Variants in LDAH observed in about 807,000 individuals in gnomAD.
The protein encoded by LDAH is lipid droplet-associated hydrolase.
In LDAH, 26 loss-of-function variants were observed where a neutral mutation model predicts 29.6. That is an observed-to-expected ratio of 0.88 (90% CI 0.64 to 1.22). The LOEUF is 1.22. LDAH is among the 50% of genes most tolerant of loss of function. LDAH has a pLI of 0.00. For missense variants in LDAH, 344 were observed against 387.3 expected, an observed-to-expected ratio of 0.89 and a Z score of 0.94; for synonymous variants, 117 against 133.0, an observed-to-expected ratio of 0.88 and a Z score of 0.83.
chr2:20,695,501 G>A (rs1252043359), intron 6 of LDAH, among the ~76,000 whole-genome samples: 2 of 148,802 alleles, frequency 1.3e-5, no homozygotes, highest in Non-Finnish European at 3.0e-5. Flanking sequence ...TGCCCAGGCT[G>A]GAGTGCAGTA....
chr2:20,736,450 T>C (rs1274928206), intron 5 of LDAH, among the ~76,000 whole-genome samples: 1 of 151,588 alleles, frequency 6.6e-6, no homozygotes, highest in Non-Finnish European at 1.5e-5. Context: ...TCAAAAAATA[T>C]ATAATAATAA....
intron 6 of LDAH, among the ~76,000 whole-genome samples, chr2:20,694,509 G>C (rs921888679): frequency 6.6e-6 from 1 of 152,202 alleles, no homozygotes; most frequent in African/African-American, 2.4e-5. Flanking sequence ...AAAGGGAGAT[G>C]GTTTAGGGAC....
rs781411732 is a variant in LDAH at position 20,740,201 on chromosome 2, A to C, written c.473T>G (p.Ile158Ser). 6.2e-7 allele frequency: 1 copy of C among 1,607,068 alleles called. No homozygotes were observed. Among genetic ancestry groups the C allele is most frequent in the Non-Finnish European group, 8.5e-7 (1 of 1,173,638 alleles). Residue 158 changes from isoleucine (I) to serine (S), a missense_variant, in exon 5 of 7, where the codon ATT becomes AGT. Ile to Ser is a moderately radical substitution (Grantham distance 142). Transcript: ENST00000237822. Reference sequence around the variant, plus strand: ...TGTTGGAAAGAGCAGAAAGGCACGAATTACCTGCAATAAAGAAGCATACTT... The same window carrying C: ...TGTTGGAAAGAGCAGAAAGGCACGACTTACCTGCAATAAAGAAGCATACTT... Reference protein sequence around the residue: ...MLKRVPELPVIRAFLLFPTIE... With the variant: ...MLKRVPELPVSRAFLLFPTIE...
At chr2:20,729,664 T>A (rs1417512139) in intron 5 of LDAH, among the ~76,000 whole-genome samples, 1 of 152,236 alleles carries the variant, frequency 6.6e-6, no homozygotes, top group African/African-American at 2.4e-5. Context: ...AATTCAACTT[T>A]TATTTTAAGA....
At chr2:20,702,889 A>G (rs1357094301) in intron 5 of LDAH, among the ~76,000 whole-genome samples, 1 of 152,186 alleles carries the variant, frequency 6.6e-6, no homozygotes, top group Non-Finnish European at 1.5e-5. Context: ...CTGGAGGGCA[A>G]TGGCACGATC....
intron 4 of LDAH, among the ~76,000 whole-genome samples, chr2:20,747,256 C>T (rs1667632434): frequency 6.6e-6 from 1 of 152,134 alleles, no homozygotes; most frequent in Admixed American, 6.5e-5. Flanking sequence ...TGTGTTATGA[C>T]TAAGTGAAGC....
intron 3 of LDAH, among the ~76,000 whole-genome samples, chr2:20,783,798 A>G (rs755556216): frequency 2.0e-5 from 3 of 152,174 alleles, no homozygotes; most frequent in South Asian, 2.1e-4. Context: ...TGCAGCCTCA[A>G]CCTCCCGAGT....
At chr2:20,792,006 AC>A (rs1335395055) in intron 2 of LDAH, among the ~76,000 whole-genome samples, 1 of 152,114 alleles carries the variant, frequency 6.6e-6, no homozygotes, top group Non-Finnish European at 1.5e-5. Flanking sequence ...TTAAGTGTTA[AC>A]AGGTAGGGCA....
intron 2 of LDAH, among the ~76,000 whole-genome samples, chr2:20,792,617 T>TG (rs914523720): frequency 3.0e-4 from 46 of 152,336 alleles, no homozygotes; most frequent in African/African-American, 9.9e-4. Context: ...GATAGCCACT[T>TG]GCACAAAACT....
intron 5 of LDAH, 142 bp downstream of exon 5, chr2:20,739,829 T>G (rs1432835330): frequency 1.5e-5 from 9 of 603,696 alleles, no homozygotes; most frequent in Non-Finnish European, 2.3e-5. Context: ...TAATTTTATT[T>G]ATTTCTAGTT....
At position 20,801,477 on chromosome 2, in the gene LDAH, G is replaced by A. The variant is rs1448352503; in HGVS notation, c.-2-12C>T. The stretch of plus-strand genomic sequence containing the variant: ...TTCTGAGTCCATTTCTAAATAAGGG[G>A]AGAAAAGTAGTATGAAGAGTCAGTA... On this transcript the variant is annotated splice_polypyrimidine_tract_variant and intron_variant, in intron 1 of 6. Transcript: ENST00000237822. The A allele has an allele frequency of 2.5e-6, 4 of 1,610,084 alleles. No individual in the cohort carries two copies. The highest frequency in any genetic ancestry group is 1.7e-5 in the Admixed American group (1 of 59,902).
chr2:20,698,531 T>C lies in LDAH; in HGVS notation c.786+3039A>G, dbSNP rs139376073. 5.1e-4 allele frequency among the ~76,000 whole-genome samples: 78 copies of C among 152,094 alleles called. 1 individual carries two copies. The East Asian group carries it at 9.7e-3, about 19-fold the overall frequency. On this transcript the variant is annotated intron_variant, in intron 6 of 6. Coordinates refer to ENST00000237822, the MANE Select transcript of LDAH (RefSeq NM_021925.4). The surrounding 1 kb of genome is among the most constrained non-coding windows in gnomAD (Gnocchi z 4.4). ...GGTGAAACCCTGTCTCTAGTAAAAATTAGCTGGGTATGGTGGCGGGTACCT... is the reference window on the plus strand; with the variant it reads ...GGTGAAACCCTGTCTCTAGTAAAAACTAGCTGGGTATGGTGGCGGGTACCT...
chr2:20,740,672 T>G (rs1226479988), intron 4 of LDAH, among the ~76,000 whole-genome samples: 5 of 152,216 alleles, frequency 3.3e-5, no homozygotes, highest in Non-Finnish European at 7.3e-5. Context: ...GTGTATTTAT[T>G]CATTCACCTA....
rs544693368 is a variant in LDAH at position 20,801,406 on chromosome 2, C to A, written c.58G>T (p.Gly20Ter). ...PVHEEFILCG[G>*]AETQVLKCGP... ...CATTTTAGAACCTGGGTTTCGGCTC[C>A]ACCACACAAAATGAATTCCTCATGC... Residue 20 changes from glycine to a stop codon, truncating the protein, a stop_gained, in exon 2 of 7, where the codon GGA (glycine) becomes TGA (stop). Coordinates refer to ENST00000237822, the MANE Select transcript of LDAH (RefSeq NM_021925.4). LOFTEE classifies it high-confidence loss of function. 3 of 1,614,072 alleles carry A rather than the reference C, an allele frequency of 1.9e-6. No homozygotes were observed. In the African/African-American group the frequency reaches 4.0e-5, roughly 22 times the overall value.
intron 4 of LDAH, among the ~76,000 whole-genome samples, chr2:20,771,937 C>T (rs1669463388): frequency 6.6e-6 from 1 of 152,202 alleles, no homozygotes; most frequent in African/African-American, 2.4e-5. Context: ...GTTAAGTTCA[C>T]GTTTCATCTT....
intron 6 of LDAH, among the ~76,000 whole-genome samples, chr2:20,689,594 A>G (rs1672285595): frequency 1.3e-5 from 2 of 152,206 alleles, no homozygotes; most frequent in Admixed American, 6.5e-5. Context: ...CAAGAGTACA[A>G]ACTATTTGCA....
At chr2:20,695,131 G>C (rs946360686) in intron 6 of LDAH, among the ~76,000 whole-genome samples, 1 of 152,204 alleles carries the variant, frequency 6.6e-6, no homozygotes, top group African/African-American at 2.4e-5. Context: ...AGAATAATGG[G>C]CCCAAGCCTT....
chr2:20,816,465 T>G (rs1356599772), intron 1 of LDAH, among the ~76,000 whole-genome samples: 1 of 152,072 alleles, frequency 6.6e-6, no homozygotes, highest in African/African-American at 2.4e-5. Context: ...TTTTAAGTAG[T>G]GATGGCTACA....
chr2:20,785,587 T>C (rs1670489913), intron 3 of LDAH, among the ~76,000 whole-genome samples: 1 of 152,230 alleles, frequency 6.6e-6, no homozygotes, highest in South Asian at 2.1e-4. Flanking sequence ...CATCTGGCAT[T>C]AAGTACTTCA....
Sources: gnomAD v4.1 joint callset for allele counts (sites outside exome capture counted in the v4.1 genomes callset) on GRCh38, gnomAD v4.1.1 for gene constraint, Gnocchi (gnomAD v3.1) non-coding constraint, MANE v1.5 for transcripts, NCBI Gene and HGNC (gene_info 2026-07-23, HGNC 2026-07-21) for gene names.